The following HSPA12A variants were observed in gnomAD, a reference collection of about 807,000 sequenced individuals.
HSPA12A encodes the protein heat shock 70 kDa protein 12A.
HSPA12A carries 28 observed loss-of-function variants against 69.2 expected under a neutral mutation model. The observed-to-expected ratio is 0.40, with a 90% confidence interval of 0.30 to 0.55. The LOEUF is 0.55. Ranked by LOEUF, HSPA12A falls within the 20% of genes least tolerant of loss-of-function variation. HSPA12A has a pLI of 0.38. For synonymous variants in HSPA12A, 345 were observed against 370.5 expected, an observed-to-expected ratio of 0.93 and a Z score of 0.79; for missense variants, 686 against 900.7, an observed-to-expected ratio of 0.76 and a Z score of 3.05.
chr10:116,847,437 T>G (rs745663425), intron 1 of HSPA12A, among the ~76,000 whole-genome samples: 10 of 152,218 alleles, frequency 6.6e-5, no homozygotes, highest in Non-Finnish European at 1.5e-4. Context: ...ACTTATTTCT[T>G]GCCCTTCCTA....
chr10:116,737,658 G>T (rs1554886550), intron 1 of HSPA12A, among the ~76,000 whole-genome samples: 1 of 152,146 alleles, frequency 6.6e-6, no homozygotes, highest in African/African-American at 2.4e-5. Context: ...AAAAATAAGG[G>T]GACTAAAATC....
At chr10:116,824,281 T>TA (rs1203094941) in intron 2 of HSPA12A, among the ~76,000 whole-genome samples, 1 of 152,144 alleles carries the variant, frequency 6.6e-6, no homozygotes, top group Non-Finnish European at 1.5e-5. Flanking sequence ...TGTGGAGAAA[T>TA]AAGAAGCCTC....
chr10:116,833,550 C>T (rs1564835037), intron 2 of HSPA12A, among the ~76,000 whole-genome samples: 1 of 152,180 alleles, frequency 6.6e-6, no homozygotes, highest in East Asian at 1.9e-4. Context: ...AGCAAAATCT[C>T]AACCAATCAC....
chr10:116,701,700 C>T (rs555997378), intron 3 of HSPA12A, among the ~76,000 whole-genome samples: 1 of 152,272 alleles, frequency 6.6e-6, no homozygotes, highest in East Asian at 1.9e-4. Flanking sequence ...CAGAGGTGGG[C>T]CAGCCGGGGC....
intron 2 of HSPA12A, among the ~76,000 whole-genome samples, chr10:116,795,620 A>G (rs902185328): frequency 6.8e-6 from 1 of 146,466 alleles, no homozygotes; most frequent in Non-Finnish European, 1.5e-5. Flanking sequence ...CGGGAGGCAG[A>G]GGTTGCAATG....
At chr10:116,716,245 G>A (rs537102642) in intron 1 of HSPA12A, among the ~76,000 whole-genome samples, 23 of 152,240 alleles carry the variant, frequency 1.5e-4, no homozygotes, top group Admixed American at 2.6e-4. Context: ...TCACTTAAAG[G>A]ACCCTGACAT....
intron 10 of HSPA12A, among the ~76,000 whole-genome samples, chr10:116,678,528 CGAG>C (rs1397466615): frequency 7.2e-6 from 1 of 138,720 alleles, no homozygotes; most frequent in African/African-American, 2.7e-5. Flanking sequence ...TAGTGGGACT[CGAG>C]GGGCGTATCA....
intron 1 of HSPA12A, among the ~76,000 whole-genome samples, chr10:116,725,439 C>T (rs782396548): frequency 6.6e-6 from 1 of 152,172 alleles, no homozygotes; most frequent in Non-Finnish European, 1.5e-5. Flanking sequence ...AAGCCTGAAG[C>T]TGGCATGGCA....
At chr10:116,752,038 A>G (rs1554888404) in intron 2 of HSPA12A, among the ~76,000 whole-genome samples, 1 of 152,192 alleles carries the variant, frequency 6.6e-6, no homozygotes, top group Non-Finnish European at 1.5e-5. Flanking sequence ...ATTTCTTTAT[A>G]GCAACACAAA....
chr10:116,681,328 A>C, intron 8 of HSPA12A, 72 bp from the exon 9 acceptor site: 4 of 1,223,164 alleles, frequency 3.3e-6, no homozygotes, highest in Non-Finnish European at 3.6e-6. Flanking sequence ...GTGGGTGGTA[A>C]CTAGGTAGAC....
chr10:116,811,939 G>T (rs953616000), intron 2 of HSPA12A, among the ~76,000 whole-genome samples: 2 of 152,170 alleles, frequency 1.3e-5, no homozygotes, highest in East Asian at 3.8e-4. Flanking sequence ...CAATGGCGGC[G>T]GTGAGCAGCA....
chr10:116,722,525 C>A (rs112548539), intron 1 of HSPA12A, among the ~76,000 whole-genome samples: 6,243 of 152,184 alleles, frequency 0.041, 221 homozygotes, highest in Non-Finnish European at 0.057. Flanking sequence ...GCTGACCCTG[C>A]AACAGGAAGA....
intron 3 of HSPA12A, among the ~76,000 whole-genome samples, chr10:116,703,321 G>A (rs1285364456): frequency 1.3e-5 from 2 of 152,160 alleles, no homozygotes; most frequent in Admixed American, 6.5e-5. Flanking sequence ...ATTGGGGTGG[G>A]AGTCACTTTT....
At chr10:116,790,692 T>C (rs928287854) in intron 2 of HSPA12A, among the ~76,000 whole-genome samples, 1 of 152,038 alleles carries the variant, frequency 6.6e-6, no homozygotes, top group Admixed American at 6.5e-5. Flanking sequence ...CTAGTTATCA[T>C]TTTTTATTTT....
chr10:116,681,439 G>A (rs781794745), intron 8 of HSPA12A, among the ~76,000 whole-genome samples, 183 bp from the exon 9 acceptor site: 7 of 152,198 alleles, frequency 4.6e-5, no homozygotes, highest in Non-Finnish European at 7.3e-5. Context: ...CTGCCCAGGA[G>A]GATGGTTAGA....
At chr10:116,787,455 A>C (rs1428444146) in intron 2 of HSPA12A, among the ~76,000 whole-genome samples, 1 of 150,282 alleles carries the variant, frequency 6.7e-6, no homozygotes, top group African/African-American at 2.4e-5. Flanking sequence ...AAAAAAAAAA[A>C]AAAAAAAACC....
chr10:116,799,921 T>C (rs1295662635), intron 2 of HSPA12A, among the ~76,000 whole-genome samples: 1 of 152,200 alleles, frequency 6.6e-6, no homozygotes, highest in Non-Finnish European at 1.5e-5. Flanking sequence ...AACCTCTCCC[T>C]ATGTGCCATT....
chr10:116,799,641 A>C (rs1167740278), intron 2 of HSPA12A, among the ~76,000 whole-genome samples: 1 of 152,236 alleles, frequency 6.6e-6, no homozygotes, highest in Non-Finnish European at 1.5e-5. Flanking sequence ...ATCTCAAAGC[A>C]TGCTGCCCTG....
At chr10:116,805,812 A>G (rs768963712) in intron 2 of HSPA12A, among the ~76,000 whole-genome samples, 1 of 152,230 alleles carries the variant, frequency 6.6e-6, no homozygotes, top group Non-Finnish European at 1.5e-5. Context: ...TAATCAAATC[A>G]AGTCTTTTCA....
Sources: gnomAD v4.1 joint callset for allele counts (sites outside exome capture counted in the v4.1 genomes callset) on GRCh38, gnomAD v4.1.1 for gene constraint, MANE v1.5 for transcripts, NCBI Gene and HGNC (gene_info 2026-07-23, HGNC 2026-07-21) for gene names.